CAMK1D: variants seen among roughly 807,000 people sequenced by gnomAD.
CAMK1D encodes calcium/calmodulin-dependent protein kinase type 1D.
CAMK1D carries 9 observed loss-of-function variants against 47.7 expected under a neutral mutation model. That is an observed-to-expected ratio of 0.19 (90% CI 0.11 to 0.33). The LOEUF (loss-of-function observed/expected upper bound fraction) is 0.33, where lower values mean the gene tolerates loss of function less well. Among genes scored for constraint, CAMK1D ranks in the 10% least tolerant of loss-of-function variants. CAMK1D has a pLI of 1.00. For missense variants in CAMK1D, 291 were observed against 488.7 expected (o/e 0.60, Z 3.81); for synonymous variants, 184 against 184.9 (o/e 0.99, Z 0.04).
At chr10:12,674,614 T>C (rs1204921595) in intron 3 of CAMK1D, among the ~76,000 whole-genome samples, 2 of 150,404 alleles carry the variant, frequency 1.3e-5, no homozygotes, top group African/African-American at 4.9e-5. Context: ...TTTTTTTTTT[T>C]TTTCAGAATT....
chr10:12,661,040 A>G (rs1840260352), intron 2 of CAMK1D, among the ~76,000 whole-genome samples: 1 of 152,132 alleles, frequency 6.6e-6, no homozygotes, highest in Non-Finnish European at 1.5e-5. Context: ...GGCTAAGGAG[A>G]ACCTCTTTCT....
At chr10:12,623,917 A>G (rs1350334980) in intron 2 of CAMK1D, among the ~76,000 whole-genome samples, 1 of 152,058 alleles carries the variant, frequency 6.6e-6, no homozygotes, top group Non-Finnish European at 1.5e-5. Context: ...CGTCTCTACT[A>G]AAAATACAAA....
At chr10:12,423,293 C>T (rs1160809067) in intron 1 of CAMK1D, among the ~76,000 whole-genome samples, 3 of 151,628 alleles carry the variant, frequency 2.0e-5, no homozygotes, top group African/African-American at 4.9e-5. Context: ...GTGGGAGGAT[C>T]GTTTAAGACC....
chr10:12,685,291 ACT>A (rs1169326358), intron 3 of CAMK1D, among the ~76,000 whole-genome samples: 2 of 152,142 alleles, frequency 1.3e-5, no homozygotes, highest in East Asian at 1.9e-4. Flanking sequence ...ACAGAACGAG[ACT>A]CTGTCTCAAA....
intron 2 of CAMK1D, among the ~76,000 whole-genome samples, chr10:12,598,776 C>T (rs550930251): frequency 7.9e-5 from 12 of 152,302 alleles, no homozygotes; most frequent in South Asian, 2.1e-4. Context: ...CAAAATTAAA[C>T]GAATACGGGT....
rs74453931 is a variant in CAMK1D, at chr10:12,439,143, G to A, written c.92+89233G>A. Among the ~76,000 whole-genome samples, 85 of 152,288 alleles carry A rather than the reference G, an allele frequency of 5.6e-4. 3 individuals are homozygous for A. In the East Asian group the frequency reaches 0.014, roughly 26 times the overall value. On this transcript the variant is annotated intron_variant, in intron 1 of 10. Coordinates refer to ENST00000619168, the MANE Select transcript of CAMK1D (RefSeq NM_153498.4). ...GGCCTATTATCCCAAGTTCCATTGCGCAGGCTGTCTGAGGACTTTGCCTTG... is the reference window on the plus strand; with the variant it reads ...GGCCTATTATCCCAAGTTCCATTGCACAGGCTGTCTGAGGACTTTGCCTTG...
chr10:12,639,358 G>A (rs1453202068), intron 2 of CAMK1D, among the ~76,000 whole-genome samples: 6 of 152,148 alleles, frequency 3.9e-5, no homozygotes, highest in East Asian at 1.9e-4. Context: ...GGTGGTGGGC[G>A]CCTGTAATCC....
At chr10:12,765,368 C>A (rs1309110832) in intron 4 of CAMK1D, among the ~76,000 whole-genome samples, 1 of 150,876 alleles carries the variant, frequency 6.6e-6, no homozygotes, top group East Asian at 2.0e-4. Flanking sequence ...GGATTTATAG[C>A]CAAAGAAGAG....
intron 1 of CAMK1D, among the ~76,000 whole-genome samples, chr10:12,531,933 A>G (rs997932596): frequency 6.6e-6 from 1 of 152,214 alleles, no homozygotes; most frequent in African/African-American, 2.4e-5. Context: ...AATTACAAAG[A>G]TTTATAATCT....
chr10:12,766,324 TG>T (rs1284948944), intron 4 of CAMK1D, among the ~76,000 whole-genome samples: 5 of 134,854 alleles, frequency 3.7e-5, no homozygotes, highest in Admixed American at 2.5e-4. Context: ...ATGATGCAGA[TG>T]GGTTCTCTGC....
intron 3 of CAMK1D, among the ~76,000 whole-genome samples, chr10:12,710,149 A>C (rs1007885689): frequency 6.6e-6 from 1 of 152,248 alleles, no homozygotes; most frequent in African/African-American, 2.4e-5. Context: ...CATCTTTCAG[A>C]AGAAAATTAA....
intron 1 of CAMK1D, among the ~76,000 whole-genome samples, chr10:12,514,429 C>T (rs559349448): frequency 1.3e-5 from 2 of 152,286 alleles, no homozygotes; most frequent in Admixed American, 1.3e-4. Flanking sequence ...AATAATGTCC[C>T]TTCAGTTCTA....
At chr10:12,412,812 TCTAGCCC>T (rs1256964998) in intron 1 of CAMK1D, among the ~76,000 whole-genome samples, 1 of 152,070 alleles carries the variant, frequency 6.6e-6, no homozygotes, top group African/African-American at 2.4e-5. Context: ...TACTGAGTTT[TCTAGCCC>T]CTTCCCTCTG....
At chr10:12,629,481 T>C (rs773068472) in intron 2 of CAMK1D, among the ~76,000 whole-genome samples, 23 of 152,190 alleles carry the variant, frequency 1.5e-4, no homozygotes, top group Non-Finnish European at 3.1e-4. Flanking sequence ...TTCCAGATTC[T>C]TGTGTGTTGT....
intron 1 of CAMK1D, among the ~76,000 whole-genome samples, chr10:12,522,769 G>A (rs1425329441): frequency 1.3e-5 from 2 of 150,056 alleles, no homozygotes; most frequent in African/African-American, 4.9e-5. Context: ...TCCCAGAAGG[G>A]GCGGCCGGGC....
At chr10:12,360,878 G>A (rs1360156152) in intron 1 of CAMK1D, among the ~76,000 whole-genome samples, 1 of 152,062 alleles carries the variant, frequency 6.6e-6, no homozygotes, top group Non-Finnish European at 1.5e-5. Context: ...TCTTTCTCCC[G>A]GGCCAGGCCG....
At chr10:12,629,403 A>G in intron 2 of CAMK1D, among the ~76,000 whole-genome samples, 1 of 152,226 alleles carries the variant, frequency 6.6e-6, no homozygotes, top group Non-Finnish European at 1.5e-5. Context: ...CAAAATGACA[A>G]TAAACACGTT....
intron 3 of CAMK1D, among the ~76,000 whole-genome samples, chr10:12,716,975 C>T (rs1240177310): frequency 6.6e-6 from 1 of 152,168 alleles, no homozygotes; most frequent in Non-Finnish European, 1.5e-5. Flanking sequence ...TATGTATTCA[C>T]AGAGGATACA....
intron 3 of CAMK1D, among the ~76,000 whole-genome samples, chr10:12,713,669 T>C (rs543932727): frequency 1.3e-5 from 2 of 152,232 alleles, no homozygotes; most frequent in South Asian, 4.1e-4. Flanking sequence ...AGATGTTTGT[T>C]AGGATGTGGT....
Sources: gnomAD v4.1 joint callset for allele counts (sites outside exome capture counted in the v4.1 genomes callset) on GRCh38, gnomAD v4.1.1 for gene constraint, MANE v1.5 for transcripts, NCBI Gene and HGNC (gene_info 2026-07-23, HGNC 2026-07-21) for gene names.